CATSPER3: variants seen among roughly 807,000 people sequenced by gnomAD.
CATSPER3 encodes the protein cation channel sperm-associated protein 3.
A neutral mutation model predicts 36.6 loss-of-function variants in CATSPER3; 23 were observed. The ratio of observed to expected loss-of-function variants is 0.63; its 90% CI spans 0.45 to 0.89. The LOEUF (loss-of-function observed/expected upper bound fraction) is 0.89, where lower values mean the gene tolerates loss of function less well. Ranked by LOEUF, CATSPER3 falls within the 40% of genes least tolerant of loss-of-function variation. The pLI, the probability that CATSPER3 is intolerant of heterozygous loss-of-function variation, is 0.00. For synonymous variants in CATSPER3, 172 were observed against 184.1 expected, an observed-to-expected ratio of 0.93 and a Z score of 0.53; for missense variants, 474 against 503.9, an observed-to-expected ratio of 0.94 and a Z score of 0.57.
intron 2 of CATSPER3, among the ~76,000 whole-genome samples, chr5:134,985,196 G>A (rs1411655887): frequency 1.3e-5 from 2 of 152,128 alleles, no homozygotes; most frequent in African/African-American, 4.8e-5. Flanking sequence ...CAACCAATGA[G>A]TGGATAAAGA....
At chr5:135,004,712 A>C (rs1752063756) in intron 3 of CATSPER3, among the ~76,000 whole-genome samples, 1 of 152,138 alleles carries the variant, frequency 6.6e-6, no homozygotes, top group Admixed American at 6.5e-5. Flanking sequence ...GGCTGACAGC[A>C]GGGTTGCCTG....
At chr5:134,987,932 A>G (rs1266050559) in intron 2 of CATSPER3, among the ~76,000 whole-genome samples, 1 of 152,218 alleles carries the variant, frequency 6.6e-6, no homozygotes, top group African/African-American at 2.4e-5. Context: ...CATTGTACTG[A>G]AAGTTCTAGC....
chr5:135,010,298 G>A (rs2149554319), intron 6 of CATSPER3, 75 bp from the exon 7 acceptor site: 1 of 1,331,522 alleles, frequency 7.5e-7, no homozygotes, highest in Non-Finnish European at 1.1e-6. Flanking sequence ...GCCCATCCTG[G>A]AGAGTCTCCA....
At chr5:134,979,705 G>A (rs373523289) in intron 2 of CATSPER3, among the ~76,000 whole-genome samples, 2 of 152,270 alleles carry the variant, frequency 1.3e-5, no homozygotes, top group Non-Finnish European at 2.9e-5. Context: ...GAGAAGCTCC[G>A]GTGTATATGG....
rs1268924770 is a variant in CATSPER3, at chr5:134,996,265, C to G, written c.253-8C>G. 1 of 1,614,236 alleles carries G rather than the reference C, an allele frequency of 6.2e-7. No homozygotes were observed. Among genetic ancestry groups the G allele is most frequent in the East Asian group, 2.2e-5 (1 of 44,894 alleles). On this transcript the variant is annotated splice_region_variant and splice_polypyrimidine_tract_variant and intron_variant, in intron 2 of 7. Coordinates refer to ENST00000282611, the MANE Select transcript of CATSPER3 (RefSeq NM_178019.3). ...ATCTGACTTCTCCAACCCTTGCTAC[C>G]CCTGTAGTTCTCGGAGATCTTCTTT...
At chr5:134,977,567 T>A (rs1221975242) in intron 2 of CATSPER3, among the ~76,000 whole-genome samples, 1 of 152,174 alleles carries the variant, frequency 6.6e-6, no homozygotes, top group Non-Finnish European at 1.5e-5. Context: ...ATTTAACCAG[T>A]CTCTAAGAGG....
chr5:134,980,133 C>T (rs969869284), intron 2 of CATSPER3, among the ~76,000 whole-genome samples: 6 of 152,006 alleles, frequency 3.9e-5, no homozygotes, highest in African/African-American at 1.5e-4. Context: ...AGACATATAT[C>T]ACCATGCCCA....
rs541129303 is a variant in CATSPER3 at position 134,986,220 on chromosome 5, C to T, written c.253-10053C>T. Among the ~76,000 whole-genome samples, 90 of 151,738 alleles carry T rather than the reference C, an allele frequency of 5.9e-4. 1 individual carries two copies. Among genetic ancestry groups the T allele is most frequent in the South Asian group, 5.2e-3 (25 of 4,816 alleles). ...AGTGCAATGGCACAATCTCAGCTCA[C>T]TGCAACCTCTGACTCCTGGGTTCAA... On this transcript the variant is annotated intron_variant, in intron 2 of 7. Transcript: ENST00000282611.
In CATSPER3 at chr5:135,000,916, C is replaced by T. The variant is rs574047364; in HGVS notation, c.492+4404C>T. ...TTTTGAAGGGTTTCTTTTTGTCTCT[C>T]TATCTCCTTCAGTTCTTATCTGATC... On this transcript the variant is annotated intron_variant, in intron 3 of 7. Coordinates refer to ENST00000282611, the MANE Select transcript of CATSPER3 (RefSeq NM_178019.3). 3.9e-5 allele frequency among the ~76,000 whole-genome samples: 6 copies of T among 152,262 alleles called. No homozygotes were observed. The South Asian group carries it at 1.2e-3, about 32-fold the overall frequency.
intron 2 of CATSPER3, among the ~76,000 whole-genome samples, chr5:134,976,337 AACCCCACCCC>A (rs370314165): frequency 1.1e-4 from 17 of 151,702 alleles, no homozygotes; most frequent in African/African-American, 4.1e-4. Flanking sequence ...ACAAAAACAA[AACCCCACCCC>A]ACCCCACCCC....
chr5:135,003,759 G>A (rs949601091), intron 3 of CATSPER3, among the ~76,000 whole-genome samples: 40 of 152,210 alleles, frequency 2.6e-4, no homozygotes, highest in Admixed American at 5.9e-4. Context: ...AGCCAGGTGC[G>A]GGATATTAAT....
intron 3 of CATSPER3, among the ~76,000 whole-genome samples, chr5:135,002,831 G>A (rs1198217068): frequency 6.6e-6 from 1 of 152,098 alleles, no homozygotes; most frequent in African/African-American, 2.4e-5. Context: ...TCTCTACACT[G>A]GTTATTCTAG....
At chr5:134,980,966 T>C (rs934282663) in intron 2 of CATSPER3, among the ~76,000 whole-genome samples, 4 of 152,216 alleles carry the variant, frequency 2.6e-5, no homozygotes, top group Admixed American at 2.6e-4. Flanking sequence ...GAGATTCTCC[T>C]GCCTTGGCCT....
rs753754526 is a variant in CATSPER3 at position 134,971,263 on chromosome 5, TA to T, written c.252+1182del. ...TGTGCCCGGCCCCTCCCATCTCTAT[TA>T]AAAAAAAAAAGTTGGGCATGGTGGT... is the stretch of plus-strand genomic sequence containing the variant. On this transcript the variant is annotated intron_variant, in intron 2 of 7. Coordinates refer to ENST00000282611, the MANE Select transcript of CATSPER3 (RefSeq NM_178019.3). 4.0e-3 allele frequency among the ~76,000 whole-genome samples: 578 copies of T among 146,136 alleles called. 7 individuals carry two copies. The highest frequency in any genetic ancestry group is 0.038 in the East Asian group (189 of 5,038).
chr5:134,978,033 G>A (rs941322212), intron 2 of CATSPER3, among the ~76,000 whole-genome samples: 3 of 152,104 alleles, frequency 2.0e-5, no homozygotes, highest in East Asian at 1.9e-4. Flanking sequence ...CTGCTCCCAC[G>A]ATCCAGTCAA....
At chr5:134,993,776 C>CA (rs1751911662) in intron 2 of CATSPER3, among the ~76,000 whole-genome samples, 1 of 152,070 alleles carries the variant, frequency 6.6e-6, no homozygotes, top group African/African-American at 2.4e-5. Context: ...TTCTACTGCC[C>CA]AAAACAAACT....
intron 7 of CATSPER3, among the ~76,000 whole-genome samples, 195 bp downstream of exon 7, chr5:135,010,725 G>C (rs1752172048): frequency 6.6e-6 from 1 of 152,212 alleles, no homozygotes; most frequent in South Asian, 2.1e-4. Flanking sequence ...GGCCATGGCT[G>C]GGGGGAATCT....
chr5:134,969,945 C>T lies in CATSPER3; in HGVS notation c.105C>T (p.Asn35=). The T allele has an allele frequency of 2.5e-6, 4 of 1,614,008 alleles. No homozygotes were observed. The highest frequency in any genetic ancestry group is 2.2e-5 in the East Asian group (1 of 44,870). ...ACATTCAACTTTTTGACAGGAGGAA[C>T]GATGATGAATGTCGGGCATTTGTGA... is the stretch of plus-strand genomic sequence containing the variant. ...FCPTFKKFKR[N]DDECRAFVKR... The change falls in exon 2 of 8, where the codon AAC becomes AAT. Residue 35 remains asparagine, a synonymous_variant. Transcript: ENST00000282611.
intron 2 of CATSPER3, among the ~76,000 whole-genome samples, chr5:134,979,823 G>A (rs1751726130): frequency 6.6e-6 from 1 of 152,166 alleles, no homozygotes; most frequent in Admixed American, 6.5e-5. Flanking sequence ...AAAACTGGAA[G>A]TTAGGGGTAA....
Sources: allele counts gnomAD v4.1 joint callset (sites outside exome capture counted in the v4.1 genomes callset), GRCh38; gene constraint gnomAD v4.1.1; transcripts MANE v1.5; gene names NCBI Gene and HGNC (gene_info 2026-07-23, HGNC 2026-07-21).